LIN28B: variants seen among roughly 807,000 people sequenced by gnomAD.
LIN28B encodes protein lin-28 homolog B.
LIN28B carries 5 observed loss-of-function variants against 21.9 expected under a neutral mutation model. That is an observed-to-expected ratio of 0.23 (90% confidence interval 0.12 to 0.48). The LOEUF (loss-of-function observed/expected upper bound fraction) is 0.48, where lower values mean the gene tolerates loss of function less well. Ranked by LOEUF, LIN28B falls within the 20% of genes least tolerant of loss-of-function variation. The pLI, the probability that LIN28B is intolerant of heterozygous loss-of-function variation, is 0.98. For missense variants in LIN28B, 245 were observed against 310.5 expected (o/e 0.79, Z 1.58); for synonymous variants, 109 against 111.3 (o/e 0.98, Z 0.13).
intron 2 of LIN28B, among the ~76,000 whole-genome samples, chr6:105,005,386 A>G (rs1000356585): frequency 2.0e-5 from 3 of 152,106 alleles, no homozygotes; most frequent in African/African-American, 7.2e-5. Flanking sequence ...TCGTAGAACT[A>G]TTCTCAATAA....
intron 2 of LIN28B, among the ~76,000 whole-genome samples, chr6:105,017,670 A>T (rs1771056626): frequency 6.6e-6 from 1 of 152,126 alleles, no homozygotes; most frequent in Admixed American, 6.5e-5. Flanking sequence ...GTTGTCACTT[A>T]TAAGTAGGAG....
At chr6:105,057,291 C>T (rs1049815756) in intron 3 of LIN28B, among the ~76,000 whole-genome samples, 16 of 152,134 alleles carry the variant, frequency 1.1e-4, no homozygotes, top group Admixed American at 9.2e-4. Context: ...TTTTTATATA[C>T]GTGACACTGA....
At chr6:105,010,376 A>G (rs1487666480) in intron 2 of LIN28B, among the ~76,000 whole-genome samples, 1 of 152,044 alleles carries the variant, frequency 6.6e-6, no homozygotes, top group African/African-American at 2.4e-5. Context: ...AAAAAAAAAA[A>G]AAGTTAGAAT....
chr6:104,987,775 T>C (rs1386842651), intron 2 of LIN28B, among the ~76,000 whole-genome samples: 1 of 152,174 alleles, frequency 6.6e-6, no homozygotes, highest in Non-Finnish European at 1.5e-5. Context: ...GATGGACTCT[T>C]GCTCTGTCCC....
intron 2 of LIN28B, among the ~76,000 whole-genome samples, chr6:104,967,620 A>G (rs1056958783): frequency 6.7e-6 from 1 of 148,988 alleles, no homozygotes; most frequent in East Asian, 1.9e-4. Flanking sequence ...AATTTATTGA[A>G]TTTCTGTCCC....
Position 105,020,450 on chromosome 6 carries a change from G to A in LIN28B, c.199-5848G>A, listed in dbSNP as rs116531571. Among the ~76,000 whole-genome samples the A allele has an allele frequency of 7.1e-3, 1,082 of 151,770 alleles. 11 individuals carry two copies. The highest frequency in any genetic ancestry group is 0.024 in the African/African-American group (999 of 41,362). ...GCTCACTGCAGCCTCCCTAGTAGCT[G>A]GGACGTCAAGTGTGTGCCACCATGC... On this transcript the variant is annotated intron_variant, in intron 2 of 3. Coordinates refer to ENST00000345080, the MANE Select transcript of LIN28B (RefSeq NM_001004317.4).
At chr6:104,977,388 A>G (rs750409107) in intron 2 of LIN28B, among the ~76,000 whole-genome samples, 1 of 152,162 alleles carries the variant, frequency 6.6e-6, no homozygotes, top group Non-Finnish European at 1.5e-5. Context: ...TTCTAGCCAG[A>G]ATTGCTTACT....
chr6:105,019,163 G>C (rs779156250), intron 2 of LIN28B, among the ~76,000 whole-genome samples: 18 of 152,190 alleles, frequency 1.2e-4, no homozygotes, highest in South Asian at 8.3e-4. Context: ...GGCCAGGCTG[G>C]TCTTGAACTC....
intron 3 of LIN28B, among the ~76,000 whole-genome samples, chr6:105,045,921 C>T (rs1771750456): frequency 6.6e-6 from 1 of 151,976 alleles, no homozygotes; most frequent in Non-Finnish European, 1.5e-5. Flanking sequence ...AAATCTAAAA[C>T]CCATCTTCTT....
At chr6:104,996,516 A>G (rs1421308844) in intron 2 of LIN28B, among the ~76,000 whole-genome samples, 1 of 152,202 alleles carries the variant, frequency 6.6e-6, no homozygotes, top group African/African-American at 2.4e-5. Flanking sequence ...ATAAGTGAAG[A>G]GAAGAATTTA....
At chr6:105,059,660 G>C (rs1383994944) in intron 3 of LIN28B, among the ~76,000 whole-genome samples, 1 of 152,140 alleles carries the variant, frequency 6.6e-6, no homozygotes, top group African/African-American at 2.4e-5. Context: ...TTCTGCCATA[G>C]AGTTACATTA....
At chr6:104,985,529 A>C (rs931098381) in intron 2 of LIN28B, among the ~76,000 whole-genome samples, 4 of 152,100 alleles carry the variant, frequency 2.6e-5, no homozygotes, top group Non-Finnish European at 5.9e-5. Flanking sequence ...TACAGTTTTT[A>C]TATATTTGTT....
rs183694159 is a variant in LIN28B at position 105,031,546 on chromosome 6, T to C, written c.383+5064T>C. On this transcript the variant is annotated intron_variant, in intron 3 of 3. Transcript: ENST00000345080. Reference sequence around the variant, plus strand: ...GACCTTTTTTCTTTTTTTTCTTTTTTTTTTTGAAATGGAGTCTGGCTCCAT... The same window carrying C: ...GACCTTTTTTCTTTTTTTTCTTTTTCTTTTTGAAATGGAGTCTGGCTCCAT... 6.3e-3 allele frequency among the ~76,000 whole-genome samples: 947 copies of C among 151,514 alleles called. 3 individuals carry two copies. The highest frequency in any genetic ancestry group is 0.01 in the Middle Eastern group (3 of 292).
intron 2 of LIN28B, among the ~76,000 whole-genome samples, chr6:105,005,920 CT>C (rs1451992281): frequency 6.6e-6 from 1 of 152,104 alleles, no homozygotes; most frequent in Non-Finnish European, 1.5e-5. Flanking sequence ...TTCAAGAGCT[CT>C]TTCTTGTTTT....
At chr6:105,010,021 G>T (rs1770890070) in intron 2 of LIN28B, among the ~76,000 whole-genome samples, 2 of 151,986 alleles carry the variant, frequency 1.3e-5, no homozygotes, top group South Asian at 2.1e-4. Context: ...ATGTCAGATT[G>T]TCAGTCACTT....
At chr6:105,060,747 A>G (rs1426284365) in intron 3 of LIN28B, among the ~76,000 whole-genome samples, 1 of 152,218 alleles carries the variant, frequency 6.6e-6, no homozygotes, top group Admixed American at 6.5e-5. Flanking sequence ...ATACCAGTAA[A>G]CACTGTGAAT....
chr6:104,946,552 A>G (rs1416377076), intron 2 of LIN28B, among the ~76,000 whole-genome samples: 1 of 152,088 alleles, frequency 6.6e-6, no homozygotes, highest in Non-Finnish European at 1.5e-5. Flanking sequence ...CATGTTTAAT[A>G]TTTTATTTGA....
At chr6:104,965,452 G>A (rs1443060727) in intron 2 of LIN28B, among the ~76,000 whole-genome samples, 2 of 152,200 alleles carry the variant, frequency 1.3e-5, no homozygotes, top group Non-Finnish European at 2.9e-5. Context: ...GAGCCCAGGA[G>A]ACAGAGGCCA....
chr6:104,951,666 T>C (rs1287491706), intron 3 of LIN28B, among the ~76,000 whole-genome samples: 1 of 152,186 alleles, frequency 6.6e-6, no homozygotes, highest in African/African-American at 2.4e-5. Flanking sequence ...CTGTATTTCC[T>C]TGTGATTAAA....
Sources: allele counts gnomAD v4.1 joint callset (sites outside exome capture counted in the v4.1 genomes callset), GRCh38; gene constraint gnomAD v4.1.1; transcripts MANE v1.5; gene names NCBI Gene and HGNC (gene_info 2026-07-23, HGNC 2026-07-21).